Variants in FAM107A observed in about 807,000 individuals in gnomAD.
The protein encoded by FAM107A is actin-associated protein FAM107A.
FAM107A carries 19 observed loss-of-function variants against 13.7 expected under a neutral mutation model. That is an observed-to-expected ratio of 1.38 (90% CI 0.97 to 2.03). FAM107A has a LOEUF of 2.03. Among genes scored for constraint, FAM107A ranks in the 30% most tolerant of loss-of-function variants. The pLI is 0.00. For synonymous variants in FAM107A, 82 were observed against 74.5 expected, an observed-to-expected ratio of 1.10 and a Z score of -0.52; for missense variants, 203 against 184.4, an observed-to-expected ratio of 1.10 and a Z score of -0.58.
intron 1 of FAM107A, among the ~76,000 whole-genome samples, chr3:58,614,664 C>T (rs1247990573): frequency 1.3e-5 from 2 of 151,944 alleles, no homozygotes; most frequent in Non-Finnish European, 2.9e-5. Flanking sequence ...GCCACCATGC[C>T]TGGCTAATTT....
chr3:58,624,300 C>A (rs1424957158), intron 1 of FAM107A, among the ~76,000 whole-genome samples: 2 of 152,188 alleles, frequency 1.3e-5, no homozygotes, highest in South Asian at 2.1e-4. Flanking sequence ...CTGATAGAGG[C>A]CAGGGTACCC....
upstream of FAM107A, among the ~76,000 whole-genome samples, chr3:58,581,610 C>T (rs2065543333): frequency 1.3e-5 from 2 of 151,318 alleles, no homozygotes; most frequent in Non-Finnish European, 1.5e-5. Flanking sequence ...TGCCCCCCGC[C>T]TCTCAAACAT....
chr3:58,587,080 C>T, exon 1 of FAM107A: 3 of 1,358,598 alleles, frequency 2.2e-6, no homozygotes, highest in African/African-American at 1.5e-5. Flanking sequence ...CGGCGGCGGC[C>T]GGAGGGGCGG....
intron 1 of FAM107A, among the ~76,000 whole-genome samples, chr3:58,602,401 G>A (rs992583517): frequency 1.5e-4 from 23 of 152,188 alleles, no homozygotes; most frequent in Admixed American, 1.4e-3. Flanking sequence ...GCAGGGAAAC[G>A]TGCGTTGAAA....
chr3:58,584,211 G>A (rs1004542698), intron 1 of FAM107A, among the ~76,000 whole-genome samples: 1 of 152,144 alleles, frequency 6.6e-6, no homozygotes, highest in Non-Finnish European at 1.5e-5. Flanking sequence ...GTTACCATCT[G>A]AGCCTCGGTT....
chr3:58,589,958 C>T (rs920458615), upstream of FAM107A, among the ~76,000 whole-genome samples: 1 of 152,240 alleles, frequency 6.6e-6, no homozygotes, highest in Admixed American at 6.5e-5. Flanking sequence ...AGTCCTCATT[C>T]TTCAAGGGCC....
chr3:58,584,484 AAT>A lies in FAM107A; in HGVS notation c.79+2372_79+2373del, dbSNP rs530338901. On this transcript the variant is annotated intron_variant, in intron 1 of 3. Coordinates refer to the FAM107A transcript ENST00000447756. ...TTTGGCATGGATGGACCGCAGTTTG[AAT>A]GTGTTTTCTACCTCTTTGTGGGGTA... is the stretch of plus-strand genomic sequence containing the variant. Among the ~76,000 whole-genome samples the A allele has an allele frequency of 1.3e-3, 200 of 152,198 alleles. 2 individuals carry two copies. Among genetic ancestry groups the A allele is most frequent in the African/African-American group, 4.2e-3 (175 of 41,530 alleles).
chr3:58,571,150 G>T (rs2063679790), intron 1 of FAM107A, among the ~76,000 whole-genome samples: 1 of 152,170 alleles, frequency 6.6e-6, no homozygotes, highest in African/African-American at 2.4e-5. Context: ...GGTTTGACGG[G>T]GTGCACGTTG....
chr3:58,603,558 C>T (rs778082266), intron 1 of FAM107A, among the ~76,000 whole-genome samples: 45 of 152,110 alleles, frequency 3.0e-4, no homozygotes, highest in Non-Finnish European at 5.9e-4. Flanking sequence ...AGTCTAGCCT[C>T]AGGGGGATGC....
At chr3:58,602,740 A>G (rs772421693) in intron 1 of FAM107A, among the ~76,000 whole-genome samples, 1 of 152,342 alleles carries the variant, frequency 6.6e-6, no homozygotes, top group South Asian at 2.1e-4. Flanking sequence ...ATGTAGTGTT[A>G]CTTTATGTAT....
At chr3:58,593,749 T>C (rs532399664) in intron 1 of FAM107A, among the ~76,000 whole-genome samples, 1 of 152,276 alleles carries the variant, frequency 6.6e-6, no homozygotes, top group African/African-American at 2.4e-5. Flanking sequence ...CGTTTCTTCC[T>C]GCTCTTACAC....
At chr3:58,596,202 T>C (rs1056088757) in intron 1 of FAM107A, among the ~76,000 whole-genome samples, 3 of 152,150 alleles carry the variant, frequency 2.0e-5, no homozygotes, top group African/African-American at 7.2e-5. Context: ...GTGGCCTCAA[T>C]GATCCTATCC....
At chr3:58,616,894 C>T (rs2065907087) in intron 1 of FAM107A, among the ~76,000 whole-genome samples, 1 of 152,096 alleles carries the variant, frequency 6.6e-6, no homozygotes, top group South Asian at 2.1e-4. Context: ...CTGCCTCAGC[C>T]TCCCGAATAG....
chr3:58,608,312 G>C lies in FAM107A; in HGVS notation c.-69-19043C>G, dbSNP rs150390685. Among the ~76,000 whole-genome samples the C allele has an allele frequency of 1.7e-4, 26 of 152,204 alleles. No individual in the cohort carries two copies. In the East Asian group the frequency reaches 5.0e-3, roughly 29 times the overall value. On this transcript the variant is annotated intron_variant, in intron 1 of 3. Coordinates refer to the FAM107A transcript ENST00000465970. ...TTTCTAAATTTTCAATAATGATCAT[G>C]AATTACCTTGATAAACAGAAAGAAC...
chr3:58,573,287 C>G (rs925788843), intron 1 of FAM107A, among the ~76,000 whole-genome samples: 1 of 152,226 alleles, frequency 6.6e-6, no homozygotes, highest in Non-Finnish European at 1.5e-5. Flanking sequence ...ACCCCCAGGA[C>G]TTAGAAAGCT....
chr3:58,589,169 C>G, upstream of FAM107A: 2 of 1,384,520 alleles, frequency 1.4e-6, no homozygotes, highest in Non-Finnish European at 2.0e-6. Context: ...GGGATGGACT[C>G]TGGCCGCACC....
chr3:58,571,168 A>G (rs1447111522), intron 1 of FAM107A, among the ~76,000 whole-genome samples: 1 of 152,232 alleles, frequency 6.6e-6, no homozygotes, highest in Non-Finnish European at 1.5e-5. Context: ...TTGCAAGGTG[A>G]TATGTCAGGA....
intron 1 of FAM107A, among the ~76,000 whole-genome samples, chr3:58,616,809 T>C (rs2065905886): frequency 6.6e-6 from 1 of 152,152 alleles, no homozygotes; most frequent in Non-Finnish European, 1.5e-5. Context: ...AGTCTTGCTC[T>C]GTCACCCAGG....
rs369787655 is a variant in FAM107A, at chr3:58,615,626, T to C, written c.-70+11790A>G. Among the ~76,000 whole-genome samples the C allele has an allele frequency of 5.3e-5, 8 of 152,266 alleles. 1 individual carries two copies. In the South Asian group the frequency reaches 1.7e-3, roughly 32 times the overall value. Reference sequence around the variant, plus strand: ...GGAAGATAGAGAATGCCAGGCGCAGTGCCTTATGCCTGTAATCCCAGCACT... The same window carrying C: ...GGAAGATAGAGAATGCCAGGCGCAGCGCCTTATGCCTGTAATCCCAGCACT... On this transcript the variant is annotated intron_variant, in intron 1 of 3. Coordinates refer to the FAM107A transcript ENST00000465970.
Sources: gnomAD v4.1 joint callset for allele counts (sites outside exome capture counted in the v4.1 genomes callset) on GRCh38, gnomAD v4.1.1 for gene constraint, MANE v1.5 for transcripts, NCBI Gene and HGNC (gene_info 2026-07-23, HGNC 2026-07-21) for gene names.